NOL8: variants seen among roughly 807,000 people sequenced by gnomAD.
NOL8 encodes the protein nucleolar protein Nop132.
In NOL8, 93 loss-of-function variants were observed where a neutral mutation model predicts 116.1. The ratio of observed to expected loss-of-function variants is 0.80; its 90% CI spans 0.68 to 0.95. The LOEUF (loss-of-function observed/expected upper bound fraction) is 0.95, where lower values mean the gene tolerates loss of function less well. Among genes scored for constraint, NOL8 ranks in the 40% least tolerant of loss-of-function variants. The probability of loss-of-function intolerance (pLI) is 0.00; values close to 1 mark genes in which losing one functional copy is unlikely to be tolerated. For missense variants in NOL8, 1,291 were observed against 1,382.8 expected (o/e 0.93, Z 1.05); for synonymous variants, 419 against 469.0 (o/e 0.89, Z 1.38).
chr9:92,317,424 A>C (rs551587187), intron 6 of NOL8, among the ~76,000 whole-genome samples: 1 of 152,330 alleles, frequency 6.6e-6, no homozygotes, highest in African/African-American at 2.4e-5. Context: ...GGAAAAGAAG[A>C]AATCAGTACT....
chr9:92,304,001 A>G (rs1837994913), intron 12 of NOL8, among the ~76,000 whole-genome samples: 2 of 152,220 alleles, frequency 1.3e-5, no homozygotes, highest in South Asian at 4.1e-4. Flanking sequence ...TAACTTATGA[A>G]GATTTTAAGA....
intron 1 of NOL8, 73 bp from the exon 2 acceptor site, chr9:92,324,282 C>T: frequency 8.7e-7 from 1 of 1,143,554 alleles, no homozygotes; most frequent in Non-Finnish European, 1.2e-6. Context: ...TCTGAACCTT[C>T]TGTATCAAAT....
At chr9:92,322,437 A>C (rs1840005205) in intron 3 of NOL8, among the ~76,000 whole-genome samples, 1 of 152,144 alleles carries the variant, frequency 6.6e-6, no homozygotes, top group African/African-American at 2.4e-5. Context: ...ATCTTGGCTC[A>C]CTGCAACCTC....
At chr9:92,297,942 G>T in intron 16 of NOL8, 56 bp from the exon 17 acceptor site, 1 of 1,390,724 alleles carries the variant, frequency 7.2e-7, no homozygotes, top group Non-Finnish European at 9.8e-7. Context: ...AAGATGTTCA[G>T]TAGATAGAAG....
chr9:92,310,699 T>G, intron 8 of NOL8, 24 bp from the exon 9 acceptor site: 2 of 1,584,242 alleles, frequency 1.3e-6, no homozygotes, highest in Admixed American at 1.9e-5. Context: ...CAACATTTAT[T>G]AATAGCAGAG....
Position 92,299,987 on chromosome 9 carries a change from C to T in NOL8, c.3205G>A (p.Gly1069Arg). 6.2e-7 allele frequency: 1 copy of T among 1,613,490 alleles called. No homozygotes were observed. Among genetic ancestry groups the T allele is most frequent in the Non-Finnish European group, 8.5e-7 (1 of 1,179,598 alleles). Reference sequence around the variant, plus strand: ...GGGTCTTCCTGCCAGACAATCTTTCCAGGTTTCACTGTTTCAACTCTGTAG... The same window carrying T: ...GGGTCTTCCTGCCAGACAATCTTTCTAGGTTTCACTGTTTCAACTCTGTAG... ...ETYRVETVKPGKIVWQEDPRL... is the reference protein window; with the variant it reads ...ETYRVETVKPRKIVWQEDPRL... Residue 1069 changes from glycine to arginine, a missense_variant, in exon 14 of 17, where the codon GGA becomes AGA. By Grantham distance (125) the Gly-to-Arg change is moderately radical (BLOSUM62 -2). Transcript: ENST00000442668.
intron 6 of NOL8, among the ~76,000 whole-genome samples, chr9:92,316,878 G>A (rs1008263960): frequency 2.0e-5 from 3 of 152,172 alleles, no homozygotes; most frequent in Admixed American, 1.3e-4. Flanking sequence ...AGTTAACATC[G>A]ATGTGTTGTA....
chr9:92,305,711 A>G (rs373541528), intron 12 of NOL8, 42 bp downstream of exon 12: 11 of 1,326,260 alleles, frequency 8.3e-6, no homozygotes, highest in Non-Finnish European at 1.1e-5. Flanking sequence ...AAATGAGATT[A>G]ATTTACATGA....
chr9:92,317,044 C>T (rs1839475747), intron 6 of NOL8, among the ~76,000 whole-genome samples: 1 of 152,198 alleles, frequency 6.6e-6, no homozygotes, highest in African/African-American at 2.4e-5. Flanking sequence ...CTTCAACCTT[C>T]CAGGCTCAAG....
chr9:92,316,279 C>A, intron 6 of NOL8, 141 bp from the exon 7 acceptor site: 1 of 872,968 alleles, frequency 1.1e-6, no homozygotes, highest in Non-Finnish European at 1.7e-6. Context: ...GAGGACTTAA[C>A]TAGGTTACCT....
chr9:92,324,070 A>G lies in NOL8; in HGVS notation c.92T>C (p.Phe31Ser), dbSNP rs200697537. Residue 31 changes from phenylalanine (F) to serine (S), a missense_variant, in exon 2 of 17, where the codon TTT (phenylalanine) becomes TCT (serine). Transcript: ENST00000442668. ...EADLQNQFSR[F>S]GEVSDVEIIT... Reference sequence around the variant, plus strand: ...GATCTCCACATCCGAAACTTCTCCAAATCTGCTGAACTGATTTTGTAGGTC... The same window carrying G: ...GATCTCCACATCCGAAACTTCTCCAGATCTGCTGAACTGATTTTGTAGGTC... 3.7e-5 allele frequency: 60 copies of G among 1,613,966 alleles called. No homozygotes were observed. In the African/African-American group the frequency reaches 4.4e-4, roughly 12 times the overall value.
At chr9:92,319,612 A>G (rs1839748813) in intron 4 of NOL8, among the ~76,000 whole-genome samples, 1 of 152,188 alleles carries the variant, frequency 6.6e-6, no homozygotes, top group Non-Finnish European at 1.5e-5. Flanking sequence ...TCTTGTTAAT[A>G]TTTTGTTTAC....
intron 2 of NOL8, 96 bp downstream of exon 2, chr9:92,323,927 T>C (rs1840166574): frequency 1.5e-6 from 2 of 1,357,420 alleles, no homozygotes; most frequent in African/African-American, 2.9e-5. Context: ...ACTTTTGGTG[T>C]TCAGAGCTAA....
At chr9:92,323,564 T>C (rs1429420598) in intron 2 of NOL8, 61 bp from the exon 3 acceptor site, 16 of 1,366,934 alleles carry the variant, frequency 1.2e-5, no homozygotes, top group Admixed American at 5.0e-5. Context: ...CAGAGAGCAA[T>C]GTAAAAACGG....
At chr9:92,323,947 T>G (rs1316431665) in intron 2 of NOL8, 76 bp downstream of exon 2, 29 of 1,491,094 alleles carry the variant, frequency 1.9e-5, no homozygotes, top group African/African-American at 2.8e-5. Flanking sequence ...ACATTTATCT[T>G]GGGGTTGTTT....
intron 12 of NOL8, among the ~76,000 whole-genome samples, chr9:92,304,162 G>A (rs925321292): frequency 4.6e-5 from 7 of 152,338 alleles, no homozygotes; most frequent in Admixed American, 3.3e-4. Flanking sequence ...CTTATGAAAA[G>A]AGAAGGATGA....
Position 92,298,253 on chromosome 9 carries a change from T to C in NOL8, c.3453+4A>G. 1 of 1,594,198 alleles carries C rather than the reference T, an allele frequency of 6.3e-7. No homozygotes were observed. Among genetic ancestry groups the C allele is most frequent in the Non-Finnish European group, 8.6e-7 (1 of 1,167,290 alleles). On this transcript the variant is annotated splice_donor_region_variant and intron_variant, in intron 16 of 16. Coordinates refer to ENST00000442668, the MANE Select transcript of NOL8 (RefSeq NM_017948.6). ...GGAAATAATATGGAGAAACAATTAC[T>C]CACCATACGCAGGTTGGTTGTTCTG... is the stretch of plus-strand genomic sequence containing the variant.
chr9:92,319,992 G>A (rs559740198), intron 4 of NOL8: 6 of 445,706 alleles, frequency 1.3e-5, no homozygotes, highest in South Asian at 9.6e-5. Flanking sequence ...GGAAGACCAA[G>A]ACCATGGATC....
chr9:92,310,744 T>A (rs1394624654), intron 8 of NOL8, 69 bp from the exon 9 acceptor site: 1 of 1,492,446 alleles, frequency 6.7e-7, no homozygotes, highest in Non-Finnish European at 9.0e-7. Flanking sequence ...TAACGTAATC[T>A]TCTCCCTCAC....
Sources: gnomAD v4.1 joint callset for allele counts (sites outside exome capture counted in the v4.1 genomes callset) on GRCh38, gnomAD v4.1.1 for gene constraint, MANE v1.5 for transcripts, NCBI Gene and HGNC (gene_info 2026-07-23, HGNC 2026-07-21) for gene names.